Variants in DMD observed in about 807,000 individuals in gnomAD.
DMD encodes the protein dystrophin, also known as mutant dystrophin.
In DMD, 63 loss-of-function variants were observed where a neutral mutation model predicts 330.1. The ratio of observed to expected loss-of-function variants is 0.19; its 90% CI spans 0.16 to 0.24. DMD has a LOEUF of 0.24. Ranked by LOEUF, DMD falls within the 10% of genes least tolerant of loss-of-function variation. The pLI is 1.00. For synonymous variants in DMD, 1,223 were observed against 959.8 expected (o/e 1.27, Z -5.07); for missense variants, 3,344 against 2,684.1 (o/e 1.25, Z -5.43).
intron 18 of DMD, among the ~76,000 whole-genome samples, chrX:32,506,824 T>C (rs754315907): frequency 1.3e-4 from 15 of 112,065 alleles, no homozygotes; most frequent in African/African-American, 4.9e-4. Flanking sequence ...CAGTATTGAA[T>C]TGTTTCCAGG....
chrX:31,665,448 T>C (rs886304211), intron 53 of DMD, among the ~76,000 whole-genome samples: 3 of 111,668 alleles, frequency 2.7e-5, no homozygotes, highest in Non-Finnish European at 3.8e-5. Flanking sequence ...AAAACCTCTT[T>C]ATGGATTTAT....
intron 54 of DMD, among the ~76,000 whole-genome samples, chrX:31,655,405 C>A (rs968487838): frequency 9.0e-6 from 1 of 110,792 alleles, no homozygotes; most frequent in African/African-American, 3.3e-5. Context: ...TCACCCATAT[C>A]TAATTTATAT....
At position 32,139,933 on chromosome X, in the gene DMD, A is replaced by G. The variant is rs369486363; in HGVS notation, c.6438+76983T>C. On this transcript the variant is annotated intron_variant, in intron 44 of 78. Transcript: ENST00000357033. The stretch of plus-strand genomic sequence containing the variant: ...TAGGAAGTTTTCTTTATTTTTATAC[A>G]AGAAACGGAAAACATAGTTGCTATA... 3.0e-4 allele frequency among the ~76,000 whole-genome samples: 34 copies of G among 112,659 alleles called. No individual in the cohort carries two copies. In the South Asian group the frequency reaches 0.011, roughly 36 times the overall value.
chrX:32,634,598 C>G (rs1165675677), intron 11 of DMD, among the ~76,000 whole-genome samples: 1 of 111,875 alleles, frequency 8.9e-6, no homozygotes, highest in African/African-American at 3.3e-5. Flanking sequence ...GTGACAGGCT[C>G]TCTTCTGGCC....
chrX:31,803,099 T>C (rs1457200188), intron 50 of DMD, among the ~76,000 whole-genome samples: 1 of 112,338 alleles, frequency 8.9e-6, no homozygotes, highest in Non-Finnish European at 1.9e-5. Context: ...AATATATCCA[T>C]GGGCTCCCAT....
At chrX:31,222,998 C>A in intron 64 of DMD, 49 bp downstream of exon 64, 1 of 1,123,453 alleles carries the variant, frequency 8.9e-7, no homozygotes, top group South Asian at 1.8e-5. Context: ...ACTTTTTATT[C>A]TAAGCAAAGA....
chrX:32,784,951 C>T (rs945587291), intron 7 of DMD, among the ~76,000 whole-genome samples: 47 of 111,213 alleles, frequency 4.2e-4, no homozygotes, highest in Non-Finnish European at 7.2e-4. Flanking sequence ...GTATATAGCA[C>T]TATTCCTTAT....
intron 11 of DMD, among the ~76,000 whole-genome samples, chrX:32,634,489 G>GC (rs2058954118): frequency 8.9e-6 from 1 of 112,148 alleles, no homozygotes; most frequent in African/African-American, 3.2e-5. Flanking sequence ...AATACCCACA[G>GC]CAAGTACTGC....
At chrX:33,139,178 G>T (rs1296674925) in intron 1 of DMD, among the ~76,000 whole-genome samples, 1 of 111,152 alleles carries the variant, frequency 9.0e-6, no homozygotes, top group African/African-American at 3.3e-5. Context: ...CGCAACTGTA[G>T]TCCTAGCTAC....
Position 31,609,977 on chromosome X carries a change from C to T in DMD, c.8217+17696G>A, listed in dbSNP as rs182784710. On this transcript the variant is annotated intron_variant, in intron 55 of 78. Coordinates refer to ENST00000357033, the MANE Select transcript of DMD (RefSeq NM_004006.3). ...CCCTTGGGTTATCAGACTTTACACA[C>T]TAGCAAAGCATATGATTGGCATTTT... is the stretch of plus-strand genomic sequence containing the variant. 3.6e-5 allele frequency among the ~76,000 whole-genome samples: 4 copies of T among 110,911 alleles called. No homozygotes were observed. In the Admixed American group the frequency reaches 3.8e-4, roughly 11 times the overall value.
chrX:32,681,944 G>A (rs909551014), intron 9 of DMD, among the ~76,000 whole-genome samples: 6 of 111,546 alleles, frequency 5.4e-5, no homozygotes, highest in Admixed American at 9.5e-5. Context: ...CCAGGAAGAG[G>A]GAGATACATG....
intron 7 of DMD, among the ~76,000 whole-genome samples, chrX:32,783,431 CA>C (rs756244015): frequency 6.7e-5 from 7 of 103,757 alleles, no homozygotes; most frequent in Non-Finnish European, 9.9e-5. Flanking sequence ...CAAAAATTTC[CA>C]AAAAAAATAA....
chrX:31,595,408 A>G (rs1039242199), intron 55 of DMD, among the ~76,000 whole-genome samples: 2 of 111,131 alleles, frequency 1.8e-5, no homozygotes, highest in Non-Finnish European at 3.8e-5. Context: ...CATCCTAACA[A>G]GTACCAATAA....
At chrX:32,408,589 A>T (rs987214626) in intron 30 of DMD, among the ~76,000 whole-genome samples, 7 of 111,664 alleles carry the variant, frequency 6.3e-5, no homozygotes, top group Non-Finnish European at 1.3e-4. Context: ...CACACGGTGG[A>T]GTCAGACACC....
chrX:33,026,756 G>GCTGTTC, intron 1 of DMD, among the ~76,000 whole-genome samples: 1 of 111,796 alleles, frequency 8.9e-6, no homozygotes, highest in African/African-American at 3.3e-5. Flanking sequence ...TCATGTCAAA[G>GCTGTTC]ATATTTCTTT....
intron 2 of DMD, among the ~76,000 whole-genome samples, chrX:33,005,833 A>T (rs993347062): frequency 1.8e-5 from 2 of 111,094 alleles, no homozygotes; most frequent in African/African-American, 6.5e-5. Flanking sequence ...CATAGATGAC[A>T]TGACCATCTA....
chrX:32,468,701 T>A lies in DMD; in HGVS notation c.2959A>T (p.Ser987Cys). 1 of 1,209,386 alleles carries A rather than the reference T, an allele frequency of 8.3e-7. No individual in the cohort carries two copies. The highest frequency in any genetic ancestry group is 1.1e-6 in the Non-Finnish European group (1 of 893,879). Residue 987 changes from serine to cysteine, a missense_variant, in exon 23 of 79, where the codon AGT (serine) becomes TGT (cysteine). By Grantham distance (112) the Ser-to-Cys change is moderately radical. Transcript: ENST00000357033. ...CCACTTTGTTGCTCTTGCAGAGAAC[T>A]TTGTAAAGCCTAAAAAACAATTTTT... Reference protein sequence around the residue: ...QRLGELQALQSSLQEQQSGLY... With the variant: ...QRLGELQALQCSLQEQQSGLY...
chrX:31,246,646 G>T (rs1320153786), intron 63 of DMD, among the ~76,000 whole-genome samples: 2 of 112,223 alleles, frequency 1.8e-5, no homozygotes, highest in East Asian at 5.6e-4. Flanking sequence ...TGTGAAATCA[G>T]GCCGGGCACA....
At chrX:33,227,410 G>A (rs984234791) in intron 1 of DMD, among the ~76,000 whole-genome samples, 4 of 110,867 alleles carry the variant, frequency 3.6e-5, no homozygotes, top group African/African-American at 6.5e-5. Flanking sequence ...ATCCTGATAA[G>A]GTTTTTCTGA....
Sources: gnomAD v4.1 joint callset for allele counts (sites outside exome capture counted in the v4.1 genomes callset) on GRCh38, gnomAD v4.1.1 for gene constraint, MANE v1.5 for transcripts, NCBI Gene and HGNC (gene_info 2026-07-23, HGNC 2026-07-21) for gene names.